The following RGS7 variants were observed in gnomAD, a reference collection of about 807,000 sequenced individuals.
RGS7 encodes the protein regulator of G protein signaling 7.
RGS7 carries 27 observed loss-of-function variants against 81.1 expected under a neutral mutation model. That is an observed-to-expected ratio of 0.33 (90% CI 0.25 to 0.46). The LOEUF is 0.46. Among genes scored for constraint, RGS7 ranks in the 20% least tolerant of loss-of-function variants. The pLI, the probability that RGS7 is intolerant of heterozygous loss-of-function variation, is 1.00. For missense variants in RGS7, 396 were observed against 607.4 expected, an observed-to-expected ratio of 0.65 and a Z score of 3.66; for synonymous variants, 208 against 207.7, an observed-to-expected ratio of 1.00 and a Z score of -0.01.
At chr1:240,875,973 A>G (rs1011659959) in intron 6 of RGS7, among the ~76,000 whole-genome samples, 6 of 152,174 alleles carry the variant, frequency 3.9e-5, no homozygotes, top group African/African-American at 1.4e-4. Flanking sequence ...TATGATTTTT[A>G]CGGTACCTTT....
At chr1:241,154,492 C>A (rs1435428041) in intron 2 of RGS7, among the ~76,000 whole-genome samples, 1 of 152,062 alleles carries the variant, frequency 6.6e-6, no homozygotes, top group Non-Finnish European at 1.5e-5. Context: ...AGGTCAGGGG[C>A]CCTGAAATGA....
At chr1:240,995,663 T>A (rs923360018) in intron 3 of RGS7, among the ~76,000 whole-genome samples, 18 of 151,862 alleles carry the variant, frequency 1.2e-4, no homozygotes, top group African/African-American at 4.1e-4. Flanking sequence ...GGTTTTGTAG[T>A]CATTTCCCCT....
At chr1:241,029,490 C>T (rs910264232) in intron 3 of RGS7, among the ~76,000 whole-genome samples, 2 of 152,132 alleles carry the variant, frequency 1.3e-5, no homozygotes, top group Non-Finnish European at 2.9e-5. Flanking sequence ...TGCTAAAGAA[C>T]CTTTTGTTGC....
chr1:241,206,966 T>G (rs2073932648), intron 2 of RGS7, among the ~76,000 whole-genome samples: 2 of 130,134 alleles, frequency 1.5e-5, no homozygotes, highest in South Asian at 2.9e-4. Flanking sequence ...TCTGGTTTTT[T>G]TTTTTTTTTT....
At chr1:241,076,785 G>T (rs2148884645) in intron 3 of RGS7, among the ~76,000 whole-genome samples, 1 of 152,296 alleles carries the variant, frequency 6.6e-6, no homozygotes, top group Admixed American at 6.5e-5. Flanking sequence ...TTTCACATGA[G>T]AATCAAGCCC....
At chr1:241,070,871 G>A (rs1056422387) in intron 3 of RGS7, among the ~76,000 whole-genome samples, 40 of 152,146 alleles carry the variant, frequency 2.6e-4, no homozygotes, top group Non-Finnish European at 1.2e-4. Flanking sequence ...GACTCAAAGA[G>A]GTCAGTGATG....
At chr1:241,154,466 A>C (rs996580810) in intron 2 of RGS7, among the ~76,000 whole-genome samples, 1 of 152,132 alleles carries the variant, frequency 6.6e-6, no homozygotes, top group Non-Finnish European at 1.5e-5. Flanking sequence ...CAGCTGGAGG[A>C]GGACCCCAAT....
At chr1:240,856,822 T>C (rs977776951) in intron 9 of RGS7, among the ~76,000 whole-genome samples, 2 of 152,212 alleles carry the variant, frequency 1.3e-5, no homozygotes, top group African/African-American at 4.8e-5. Context: ...AATATTTCTC[T>C]TATGATTAGT....
intron 2 of RGS7, among the ~76,000 whole-genome samples, chr1:241,142,591 G>T (rs987300843): frequency 2.6e-5 from 4 of 152,180 alleles, no homozygotes; most frequent in African/African-American, 4.8e-5. Context: ...GGAGTGGCTG[G>T]GATGAAGGAC....
intron 2 of RGS7, among the ~76,000 whole-genome samples, chr1:241,324,971 G>C (rs555356286): frequency 2.0e-5 from 3 of 152,146 alleles, no homozygotes; most frequent in African/African-American, 7.2e-5. Context: ...TTCCAAAAAA[G>C]CAGTAGCTAT....
intron 2 of RGS7, among the ~76,000 whole-genome samples, chr1:241,185,647 TG>T (rs2072029994): frequency 6.6e-6 from 1 of 152,148 alleles, no homozygotes; most frequent in Non-Finnish European, 1.5e-5. Context: ...TTATGTTTCC[TG>T]CCTGAAAGAT....
At chr1:240,777,808 A>G (rs1683230863) in intron 18 of RGS7, among the ~76,000 whole-genome samples, 1 of 152,106 alleles carries the variant, frequency 6.6e-6, no homozygotes, top group South Asian at 2.1e-4. Flanking sequence ...CTTCACCTTC[A>G]TGATCTAATG....
intron 2 of RGS7, among the ~76,000 whole-genome samples, chr1:241,185,379 A>C (rs1465437374): frequency 6.6e-6 from 1 of 152,210 alleles, no homozygotes; most frequent in African/African-American, 2.4e-5. Context: ...AAATAGAAAA[A>C]TCCAAAGTGA....
intron 2 of RGS7, among the ~76,000 whole-genome samples, chr1:241,260,824 C>A (rs948935264): frequency 5.4e-5 from 8 of 149,202 alleles, no homozygotes; most frequent in African/African-American, 2.0e-4. Flanking sequence ...TAGCAGATAT[C>A]TAAGGAGTTG....
chr1:241,238,350 A>G (rs1378383532), intron 2 of RGS7, among the ~76,000 whole-genome samples: 1 of 152,188 alleles, frequency 6.6e-6, no homozygotes, highest in African/African-American at 2.4e-5. Flanking sequence ...TTTTGTGACT[A>G]TGACTTGGCC....
At chr1:240,789,208 C>G (rs1276369763) in intron 18 of RGS7, among the ~76,000 whole-genome samples, 1 of 152,170 alleles carries the variant, frequency 6.6e-6, no homozygotes, top group Non-Finnish European at 1.5e-5. Flanking sequence ...CCAATCAATA[C>G]CCTTGTGATT....
chr1:241,270,641 C>T (rs2077827469), intron 2 of RGS7, among the ~76,000 whole-genome samples: 1 of 152,128 alleles, frequency 6.6e-6, no homozygotes, highest in Non-Finnish European at 1.5e-5. Flanking sequence ...CCAACTGGAG[C>T]TCTAGTAAGT....
At chr1:241,073,761 G>A (rs548276896) in intron 3 of RGS7, among the ~76,000 whole-genome samples, 7 of 152,184 alleles carry the variant, frequency 4.6e-5, no homozygotes, top group Admixed American at 2.0e-4. Context: ...AACACCCTGT[G>A]GAATTAATTC....
intron 2 of RGS7, among the ~76,000 whole-genome samples, chr1:241,114,084 T>C (rs2065720710): frequency 6.6e-6 from 1 of 152,142 alleles, no homozygotes; most frequent in Non-Finnish European, 1.5e-5. Context: ...CTAGACCACA[T>C]ATGAGCACAG....
Sources: allele counts gnomAD v4.1 joint callset (sites outside exome capture counted in the v4.1 genomes callset), GRCh38; gene constraint gnomAD v4.1.1; transcripts MANE v1.5; gene names NCBI Gene and HGNC (gene_info 2026-07-23, HGNC 2026-07-21).